ZNF432: variants seen among roughly 807,000 people sequenced by gnomAD.
ZNF432 encodes the protein zinc finger protein 432.
In ZNF432, 10 loss-of-function variants were observed where a neutral mutation model predicts 13.9. The ratio of observed to expected loss-of-function variants is 0.72; its 90% CI spans 0.44 to 1.22. The LOEUF (loss-of-function observed/expected upper bound fraction) is 1.22. Among genes scored for constraint, ZNF432 ranks in the 50% most tolerant of loss-of-function variants. The probability of loss-of-function intolerance (pLI) is 0.00; values close to 1 mark genes in which losing one functional copy is unlikely to be tolerated. For missense variants in ZNF432, 793 were observed against 796.2 expected (o/e 1.00, Z 0.05); for synonymous variants, 247 against 256.2 (o/e 0.96, Z 0.34).
chr19:52,036,822 A>C (rs2087086154), intron 4 of ZNF432, among the ~76,000 whole-genome samples: 1 of 152,134 alleles, frequency 6.6e-6, no homozygotes, highest in Admixed American at 6.5e-5. Context: ...AGGCACATGC[A>C]ACCATGCCTG....
At chr19:52,046,343 C>G (rs2087182948) in intron 2 of ZNF432, among the ~76,000 whole-genome samples, 1 of 152,176 alleles carries the variant, frequency 6.6e-6, no homozygotes, top group African/African-American at 2.4e-5. Context: ...TGTGGCCTTG[C>G]TTTCGTCCCC....
At position 52,041,494 on chromosome 19, in the gene ZNF432, T is replaced by TTGCTGTAGA; in HGVS notation, c.119_127dup (p.Ile40_Ser42dup). The stretch of plus-strand genomic sequence containing the variant: ...GCTGTCCTCACCCATTGATAGCAGG[T>TTGCTGTAGA]TGCTGTAGATCTCCAACATCACATC... On this transcript the variant is annotated inframe_insertion, in exon 3 of 5. Transcript: ENST00000221315. 1.2e-6 allele frequency: 2 copies of TTGCTGTAGA among 1,606,194 alleles called. No homozygotes were observed. Among genetic ancestry groups the TTGCTGTAGA allele is most frequent in the Non-Finnish European group, 1.7e-6 (2 of 1,175,546 alleles).
In ZNF432 at chr19:52,033,893, G is replaced by A. The variant is rs2087040777; in HGVS notation, c.1786C>T (p.Pro596Ser). The A allele has an allele frequency of 1.2e-6, 2 of 1,613,912 alleles. No homozygotes were observed. The highest frequency in any genetic ancestry group is 1.7e-5 in the Admixed American group (1 of 59,996). ...LHKQVHTGEK[P>S]YGCNECGKGF... ...TTACCACATTCATTACATCCATAAG[G>A]TTTTTCTCCAGTATGAACTTGCTTA... The change falls in exon 5 of 5, where the codon CCT (proline) becomes TCT (serine). Residue 596 changes from proline to serine, a missense_variant. Transcript: ENST00000221315.
chr19:52,034,372 T>C lies in ZNF432; in HGVS notation c.1307A>G (p.Lys436Arg). The part of the protein sequence containing the change: ...EKSYLCSECG[K>R]GFTVKSMLII... Reference sequence around the variant, plus strand: ...GAGCATGCTTTTCACAGTAAAACCTTTTCCACATTCACTACATAGATATGA... The same window carrying C: ...GAGCATGCTTTTCACAGTAAAACCTCTTCCACATTCACTACATAGATATGA... The change falls in exon 5 of 5, where the codon AAA becomes AGA. Residue 436 changes from lysine to arginine, a missense_variant. Physicochemically the swap from Lys to Arg is conservative, Grantham distance 26. Transcript: ENST00000221315. The C allele has an allele frequency of 6.2e-7, 1 of 1,613,946 alleles. No individual in the cohort carries two copies. The highest frequency in any genetic ancestry group is 8.5e-7 in the Non-Finnish European group (1 of 1,179,974).
Position 52,046,902 on chromosome 19 carries a change from G to A in ZNF432, c.-34C>T, listed in dbSNP as rs756151745. On this transcript the variant is annotated 5_prime_UTR_variant, in exon 2 of 5. Transcript: ENST00000221315. The stretch of plus-strand genomic sequence containing the variant: ...GTTGTGGGAAATGGCCAGCACCTGG[G>A]ATACTCTGTCTTTGTCTCCTCTGGA... The A allele has an allele frequency of 1.9e-6, 3 of 1,611,476 alleles. No homozygotes were observed. Among genetic ancestry groups the A allele is most frequent in the Admixed American group, 1.7e-5 (1 of 59,626 alleles).
intron 2 of ZNF432, among the ~76,000 whole-genome samples, chr19:52,043,960 C>T (rs1042820910): frequency 1.3e-5 from 2 of 152,152 alleles, no homozygotes; most frequent in Non-Finnish European, 2.9e-5. Context: ...CTGGCGGGAT[C>T]CTCCATATGC....
In ZNF432 at chr19:52,034,054, A is replaced by T. The variant is rs1310131656; in HGVS notation, c.1625T>A (p.Met542Lys). The change falls in exon 5 of 5, where the codon ATG becomes AAG. Residue 542 changes from methionine (M) to lysine (K), a missense_variant. Transcript: ENST00000221315. Reference protein sequence around the residue: ...QRTHTGEKPFMCSECGKGFTM... With the variant: ...QRTHTGEKPFKCSECGKGFTM... ...GAAGCCTTTTCCACATTCACTGCAC[A>T]TAAAGGGTTTCTCTCCAGTATGAGT... 3 of 1,614,152 alleles carry T rather than the reference A, an allele frequency of 1.9e-6. No individual in the cohort carries two copies. In the South Asian group the frequency reaches 3.3e-5, roughly 18 times the overall value.
intron 2 of ZNF432, among the ~76,000 whole-genome samples, chr19:52,043,734 C>T (rs1395497258): frequency 6.6e-6 from 1 of 152,190 alleles, no homozygotes; most frequent in Non-Finnish European, 1.5e-5. Flanking sequence ...GTGGGACATT[C>T]GGGCAGCAAT....
intron 2 of ZNF432, among the ~76,000 whole-genome samples, chr19:52,042,930 A>C (rs757833302): frequency 1.2e-4 from 18 of 152,226 alleles, no homozygotes; most frequent in African/African-American, 1.9e-4. Context: ...GAAACAAAAG[A>C]AGCAAGAAAA....
intron 4 of ZNF432, chr19:52,040,230 C>A: frequency 2.0e-6 from 1 of 495,850 alleles, no homozygotes; most frequent in East Asian, 3.8e-5. Context: ...TCTAGGTAAA[C>A]AGTAAACAAA....
At chr19:52,040,625 G>T in intron 3 of ZNF432, 42 bp from the exon 4 acceptor site, 1 of 1,519,628 alleles carries the variant, frequency 6.6e-7, no homozygotes. Flanking sequence ...ACTGGATTGG[G>T]CTGGGGTATG....
chr19:52,033,567 G>T lies in ZNF432; in HGVS notation c.*153C>A. ...CCTGAATTCATGTTGAAGCCTTTCT[G>T]ACATTGATAGCATTCATCCTAGTGA... On this transcript the variant is annotated 3_prime_UTR_variant, in exon 5 of 5. Coordinates refer to ENST00000221315, the MANE Select transcript of ZNF432 (RefSeq NM_014650.4). 1.2e-6 allele frequency: 1 copy of T among 842,138 alleles called. No homozygotes were observed. The highest frequency in any genetic ancestry group is 1.8e-6 in the Non-Finnish European group (1 of 566,742). The allele number at this position is 842,138 out of a possible 1,614,324, so 52.2% of individuals were successfully genotyped here. A position where few individuals can be genotyped will look rare whatever the true frequency, so the allele number is the denominator to read the frequency against.
In ZNF432 at chr19:52,033,860, T is replaced by C; in HGVS notation, c.1819A>G (p.Thr607Ala). 1 of 1,614,122 alleles carries C rather than the reference T, an allele frequency of 6.2e-7. No homozygotes were observed. Among genetic ancestry groups the C allele is most frequent in the Non-Finnish European group, 8.5e-7 (1 of 1,180,028 alleles). Residue 607 changes from threonine to alanine, a missense_variant, in exon 5 of 5, where the codon ACT (threonine) becomes GCT (alanine). Transcript: ENST00000221315. Reference sequence around the variant, plus strand: ...TGAACAATTAGACGGCTCTTCATAGTGAAGCCTTTACCACATTCATTACAT... The same window carrying C: ...TGAACAATTAGACGGCTCTTCATAGCGAAGCCTTTACCACATTCATTACAT... ...YGCNECGKGF[T>A]MKSRLIVHQR...
Position 52,032,372 on chromosome 19 carries a change from T to A in ZNF432, c.*1348A>T, listed in dbSNP as rs2087022120. 1 of 151,974 alleles carries A rather than the reference T, an allele frequency of 6.6e-6. No individual in the cohort carries two copies. Among genetic ancestry groups the A allele is most frequent in the African/African-American group, 2.4e-5 (1 of 41,392 alleles). The allele number at this position is 151,974 out of a possible 1,614,324, so 9.4% of individuals were successfully genotyped here. ...ATCATTGATAATATGATGCAAGGTA[T>A]GCTGTCACAGAATAGATATCAAGTG... On this transcript the variant is annotated 3_prime_UTR_variant, in exon 5 of 5. Coordinates refer to ENST00000221315, the MANE Select transcript of ZNF432 (RefSeq NM_014650.4).
At position 52,033,325 on chromosome 19, in the gene ZNF432, T is replaced by A. The variant is rs73934733; in HGVS notation, c.*395A>T. 0.018 allele frequency: 3,142 copies of A among 176,010 alleles called. 106 individuals are homozygous for A. Among genetic ancestry groups the A allele is most frequent in the African/African-American group, 0.07 (2,961 of 42,030 alleles). The allele number at this position is 176,010 out of a possible 1,614,324, so 10.9% of individuals were successfully genotyped here. On this transcript the variant is annotated 3_prime_UTR_variant, in exon 5 of 5. Transcript: ENST00000221315. ...ATGCTAGGAGCACACTGCTGTTTAA[T>A]CAGTTCACATTACTAACGTGGTTTT...
intron 2 of ZNF432, 52 bp from the exon 3 acceptor site, chr19:52,041,658 A>AG: frequency 6.2e-7 from 1 of 1,612,346 alleles, no homozygotes; most frequent in Non-Finnish European, 8.5e-7. Flanking sequence ...TTTTACTGAC[A>AG]TGAAAAGAAA....
chr19:52,037,191 A>G (rs1052082924), intron 4 of ZNF432, among the ~76,000 whole-genome samples: 1 of 152,224 alleles, frequency 6.6e-6, no homozygotes, highest in Non-Finnish European at 1.5e-5. Flanking sequence ...ATCTGTTGAA[A>G]TTAAGTCAAC....
chr19:52,047,599 C>G (rs1234064951), intron 1 of ZNF432, among the ~76,000 whole-genome samples: 2 of 151,092 alleles, frequency 1.3e-5, no homozygotes, highest in African/African-American at 4.9e-5. Context: ...ATGGCTTGAA[C>G]GCAGGAGGCG....
rs116217652 is a variant in ZNF432 at position 52,037,828 on chromosome 19, C to T, written c.239-2388G>A. Among the ~76,000 whole-genome samples the T allele has an allele frequency of 5.5e-3, 838 of 151,498 alleles. 6 individuals carry two copies. The highest frequency in any genetic ancestry group is 0.019 in the African/African-American group (768 of 41,234). ...AAAAAAGGTCATATCCAATTTTTCC[C>T]ATTTCAATGTCCCTGATACACTGTT... is the stretch of plus-strand genomic sequence containing the variant. On this transcript the variant is annotated intron_variant, in intron 4 of 4. Coordinates refer to ENST00000221315, the MANE Select transcript of ZNF432 (RefSeq NM_014650.4).
Sources: gnomAD v4.1 joint callset for allele counts (sites outside exome capture counted in the v4.1 genomes callset) on GRCh38, gnomAD v4.1.1 for gene constraint, MANE v1.5 for transcripts, NCBI Gene and HGNC (gene_info 2026-07-23, HGNC 2026-07-21) for gene names.